FMN2: variants seen among roughly 807,000 people sequenced by gnomAD.
The protein encoded by FMN2 is formin 2.
A neutral mutation model predicts 142.3 loss-of-function variants in FMN2; 51 were observed. The observed-to-expected ratio is 0.36, with a 90% confidence interval of 0.29 to 0.45. FMN2 has a LOEUF of 0.45. FMN2 is among the 20% of genes least tolerant of loss of function. The pLI is 1.00. For missense variants in FMN2, 1,936 were observed against 2,122.8 expected (o/e 0.91, Z 1.73); for synonymous variants, 882 against 869.8 (o/e 1.01, Z -0.25).
At chr1:240,249,617 C>T (rs534782974) in intron 6 of FMN2, among the ~76,000 whole-genome samples, 6 of 151,994 alleles carry the variant, frequency 3.9e-5, no homozygotes, top group East Asian at 3.9e-4. Flanking sequence ...AAGAATTTTA[C>T]GGTTGCTTTT....
At chr1:240,301,607 CT>C (rs1051582379) in intron 8 of FMN2, among the ~76,000 whole-genome samples, 5 of 151,170 alleles carry the variant, frequency 3.3e-5, no homozygotes, top group African/African-American at 7.3e-5. Context: ...TCTCACCTTC[CT>C]TTTTTTTGAA....
chr1:240,126,987 TC>T (rs1481109915), intron 2 of FMN2, among the ~76,000 whole-genome samples: 1 of 152,006 alleles, frequency 6.6e-6, no homozygotes, highest in Non-Finnish European at 1.5e-5. Flanking sequence ...TCCAGGCAGC[TC>T]CCAGGGCAAG....
rs764736432 is a variant in FMN2 at position 240,407,625 on chromosome 1, A to C, written c.4910+15063A>C. On this transcript the variant is annotated intron_variant, in intron 15 of 17. Transcript: ENST00000319653. ...ATGTGATCACATGATATTTTACTTA[A>C]TACCATAACTAACCATGCAGTAAGC... 7.2e-4 allele frequency among the ~76,000 whole-genome samples: 110 copies of C among 152,176 alleles called. 2 individuals carry two copies. The highest frequency in any genetic ancestry group is 1.6e-4 in the Non-Finnish European group (11 of 68,032).
intron 6 of FMN2, among the ~76,000 whole-genome samples, chr1:240,247,880 C>T (rs1377130318): frequency 6.6e-6 from 1 of 152,130 alleles, no homozygotes; most frequent in Non-Finnish European, 1.5e-5. Context: ...ATGTTACATG[C>T]ATAGAATGCG....
rs1664696550 is a variant in FMN2 at position 240,171,365 on chromosome 1, C to T, written c.1783-6556C>T. On this transcript the variant is annotated intron_variant, in intron 2 of 17. Transcript: ENST00000319653. ...GCAGCCTAACAGGCAGAGAGAAGCGCCTCCTAGACCTTCAGCAGCTACTCC... is the reference window on the plus strand; with the variant it reads ...GCAGCCTAACAGGCAGAGAGAAGCGTCTCCTAGACCTTCAGCAGCTACTCC... 5.2e-6 allele frequency: 3 copies of T among 580,884 alleles called. No individual in the cohort carries two copies. In the South Asian group the frequency reaches 6.1e-5, roughly 12 times the overall value. The allele number at this position is 580,884 out of a possible 1,614,324, so 36.0% of individuals were successfully genotyped here.
chr1:240,164,659 C>G (rs1664406051), intron 2 of FMN2, among the ~76,000 whole-genome samples: 1 of 152,168 alleles, frequency 6.6e-6, no homozygotes, highest in African/African-American at 2.4e-5. Flanking sequence ...ACACTATCTT[C>G]TAGCTTTCAA....
chr1:240,159,927 A>G (rs371746778), intron 2 of FMN2, among the ~76,000 whole-genome samples: 915 of 87,936 alleles, frequency 0.01, 10 homozygotes, highest in Middle Eastern at 0.027. Flanking sequence ...ATATATATAT[A>G]TATATTTGTG....
At chr1:240,260,444 A>G (rs1016529530) in intron 7 of FMN2, among the ~76,000 whole-genome samples, 6 of 152,010 alleles carry the variant, frequency 3.9e-5, no homozygotes, top group African/African-American at 1.5e-4. Flanking sequence ...TAATGTGGCC[A>G]TTCTTGCAGG....
chr1:240,112,855 C>G (rs1037051433), intron 1 of FMN2, among the ~76,000 whole-genome samples: 1 of 152,164 alleles, frequency 6.6e-6, no homozygotes, highest in African/African-American at 2.4e-5. Context: ...AGGGACTGAC[C>G]TTCTAGCTGG....
At chr1:240,452,707 A>G (rs2103212260) in intron 16 of FMN2, among the ~76,000 whole-genome samples, 1 of 152,278 alleles carries the variant, frequency 6.6e-6, no homozygotes, top group Middle Eastern at 3.4e-3. Flanking sequence ...TAGTAGAAAA[A>G]AGTATGTCAT....
chr1:240,344,201 G>A (rs1175887779), intron 13 of FMN2, among the ~76,000 whole-genome samples: 1 of 152,204 alleles, frequency 6.6e-6, no homozygotes, highest in East Asian at 1.9e-4. Flanking sequence ...AAAGGAGGGA[G>A]ACAGAGGAGC....
intron 15 of FMN2, among the ~76,000 whole-genome samples, chr1:240,399,605 AG>A (rs1264294366): frequency 2.0e-5 from 3 of 152,208 alleles, no homozygotes; most frequent in Admixed American, 6.5e-5. Context: ...CTGAGTCAGC[AG>A]GCTGCCAGAA....
At chr1:240,212,460 A>T (rs1167457420) in intron 6 of FMN2, among the ~76,000 whole-genome samples, 3 of 152,210 alleles carry the variant, frequency 2.0e-5, no homozygotes, top group African/African-American at 4.8e-5. Context: ...TCAGGTCAGT[A>T]ACATAGTAAA....
intron 8 of FMN2, among the ~76,000 whole-genome samples, chr1:240,299,467 T>C (rs1437762629): frequency 6.6e-6 from 1 of 152,174 alleles, no homozygotes; most frequent in African/African-American, 2.4e-5. Context: ...AATAAGGTAA[T>C]TTCAGAAATA....
intron 16 of FMN2, among the ~76,000 whole-genome samples, chr1:240,466,913 C>T (rs527436751): frequency 9.0e-4 from 137 of 152,238 alleles, no homozygotes; most frequent in Middle Eastern, 3.4e-3. Context: ...CCTGTAAGTC[C>T]AGGAACTCCA....
Position 240,178,043 on chromosome 1 carries a change from A to G in FMN2, c.1905A>G (p.Glu635=), listed in dbSNP as rs776046459. 21 of 1,607,550 alleles carry G rather than the reference A, an allele frequency of 1.3e-5. No individual in the cohort carries two copies. The East Asian group carries it at 4.7e-4, about 36-fold the overall frequency. Residue 635 remains glutamate, a synonymous_variant, in exon 3 of 18, where the codon GAA becomes GAG. Transcript: ENST00000319653. ...CACCATCCAAACCTCCCGATGAGGA[A>G]CACAGGCTCGAGGATGCTGAAACAG... The part of the protein sequence containing the change: ...MGPPSKPPDE[E]HRLEDAETES...
intron 8 of FMN2, among the ~76,000 whole-genome samples, chr1:240,326,723 T>A (rs993822642): frequency 2.6e-5 from 4 of 151,830 alleles, no homozygotes; most frequent in Non-Finnish European, 4.4e-5. Context: ...TTTTTTTTTT[T>A]TATATGAGGT....
chr1:240,352,914 T>A (rs1380655204), intron 13 of FMN2, among the ~76,000 whole-genome samples: 1 of 152,198 alleles, frequency 6.6e-6, no homozygotes, highest in Non-Finnish European at 1.5e-5. Flanking sequence ...TTTCTACATT[T>A]CTGACAAGCA....
In FMN2 at chr1:240,092,684, A is replaced by T. The variant is rs150505248; in HGVS notation, c.575A>T (p.Gln192Leu). The change falls in exon 1 of 18, where the codon CAA becomes CTA. Residue 192 changes from glutamine to leucine, a missense_variant. Gln to Leu is a moderately radical substitution (Grantham distance 113). Coordinates refer to ENST00000319653, the MANE Select transcript of FMN2 (RefSeq NM_020066.5). ...TATAGCTTCCATTCGGCTACGGAGCAAGAGGATTTGCTTTCAGACATCCAG... is the reference window on the plus strand; with the variant it reads ...TATAGCTTCCATTCGGCTACGGAGCTAGAGGATTTGCTTTCAGACATCCAG... ...DIYSFHSATE[Q>L]EDLLSDIQQA... The T allele has an allele frequency of 7.1e-5, 115 of 1,614,044 alleles. No homozygotes were observed. The African/African-American group carries it at 1.5e-3, about 21-fold the overall frequency.
Sources: gnomAD v4.1 joint callset for allele counts (sites outside exome capture counted in the v4.1 genomes callset) on GRCh38, gnomAD v4.1.1 for gene constraint, MANE v1.5 for transcripts, NCBI Gene and HGNC (gene_info 2026-07-23, HGNC 2026-07-21) for gene names.